Variants in MAP9 observed in about 807,000 individuals in gnomAD.
MAP9 encodes the protein microtubule-associated protein 9.
MAP9 carries 80 observed loss-of-function variants against 75.2 expected under a neutral mutation model. The ratio of observed to expected loss-of-function variants is 1.06; its 90% CI spans 0.89 to 1.28. The LOEUF (loss-of-function observed/expected upper bound fraction) is 1.28. MAP9 is among the 50% of genes most tolerant of loss of function. The pLI is 0.00. For missense variants in MAP9, 753 were observed against 719.9 expected, an observed-to-expected ratio of 1.05 and a Z score of -0.53; for synonymous variants, 235 against 237.3, an observed-to-expected ratio of 0.99 and a Z score of 0.09.
In MAP9 at chr4:155,352,958, T is replaced by G. The variant is rs756409606; in HGVS notation, c.1642A>C (p.Thr548Pro). 1.9e-6 allele frequency: 3 copies of G among 1,541,386 alleles called. No individual in the cohort carries two copies. Among genetic ancestry groups the G allele is most frequent in the Middle Eastern group, 1.7e-4 (1 of 5,932 alleles). Residue 548 changes from threonine to proline, a missense_variant, in exon 12 of 14, where the codon ACT (threonine) becomes CCT (proline). Thr to Pro is a conservative substitution (Grantham distance 38). Transcript: ENST00000311277. The part of the protein sequence containing the change: ...ERAKKQKEEE[T>P]VAEKKKDNLT... Reference sequence around the variant, plus strand: ...TTATCTTTCTTTTTCTCGGCAACAGTTTCCTCCTCTTTCTGTTTCTTTGCT... The same window carrying G: ...TTATCTTTCTTTTTCTCGGCAACAGGTTCCTCCTCTTTCTGTTTCTTTGCT...
In MAP9 at chr4:155,373,081, A is replaced by T. The variant is rs111445143; in HGVS notation, c.481+55T>A. The T allele has an allele frequency of 2.4e-4, 305 of 1,267,944 alleles. No individual in the cohort carries two copies. In the African/African-American group the frequency reaches 4.3e-3, roughly 18 times the overall value. 78.5% of individuals were successfully genotyped at this position (1,267,944 alleles called of 1,614,324 possible). On this transcript the variant is annotated intron_variant, in intron 4 of 13. Transcript: ENST00000311277. ...CTACCATATAAAAATTTTGGGACTG[A>T]TTATCTTAAAATAAACTTCCAAGAA...
chr4:155,357,669 C>T (rs1578842447), intron 7 of MAP9, 150 bp from the exon 8 acceptor site: 2 of 610,068 alleles, frequency 3.3e-6, no homozygotes, highest in East Asian at 2.9e-5. Context: ...GAATAAAATG[C>T]CCTTAAGAAT....
At chr4:155,360,573 T>C in intron 6 of MAP9, 158 bp from the exon 7 acceptor site, 1 of 679,354 alleles carries the variant, frequency 1.5e-6, no homozygotes, top group South Asian at 2.4e-5. Flanking sequence ...ATAAACTCTT[T>C]TCGAAAGTGA....
In MAP9 at chr4:155,368,680, A is replaced by G. The variant is rs1732442922; in HGVS notation, c.614T>C (p.Leu205Ser). ...EDKETALSEE[L>S]ELHSAPSSLP... Reference sequence around the variant, plus strand: ...GGAAGAAGGTGCAGAATGTAACTCCAATTCTTCACTGAGGGCAGTTTCTTT... The same window carrying G: ...GGAAGAAGGTGCAGAATGTAACTCCGATTCTTCACTGAGGGCAGTTTCTTT... Residue 205 changes from leucine (L) to serine (S), a missense_variant, in exon 5 of 14, where the codon TTG becomes TCG. Transcript: ENST00000311277. The G allele has an allele frequency of 1.9e-6, 3 of 1,613,998 alleles. No individual in the cohort carries two copies. In the African/African-American group the frequency reaches 4.0e-5, roughly 22 times the overall value.
chr4:155,352,386 C>G (rs1008297078), intron 13 of MAP9: 8 of 409,282 alleles, frequency 2.0e-5, no homozygotes, highest in Non-Finnish European at 3.5e-5. Flanking sequence ...AGTTTTCAGC[C>G]TGGGTGTTTG....
At chr4:155,361,894 A>G (rs1732096460) in intron 6 of MAP9, among the ~76,000 whole-genome samples, 154 bp downstream of exon 6, 1 of 152,066 alleles carries the variant, frequency 6.6e-6, no homozygotes, top group South Asian at 2.1e-4. Context: ...TGCATCCAAA[A>G]TCACAGTTAG....
chr4:155,348,100 C>T (rs754422644), intron 13 of MAP9, among the ~76,000 whole-genome samples, 195 bp from the exon 14 acceptor site: 3 of 152,102 alleles, frequency 2.0e-5, no homozygotes, highest in Non-Finnish European at 4.4e-5. Context: ...CTTTAGGAGA[C>T]TAAGGTGGGT....
chr4:155,345,081 T>C lies in MAP9; in HGVS notation c.*2702A>G, dbSNP rs371640877. The stretch of plus-strand genomic sequence containing the variant: ...TGACATGACATACTTCCTAAGGAAA[T>C]ATGGGAAAATCATACCTTTTAAATA... On this transcript the variant is annotated 3_prime_UTR_variant, in exon 14 of 14. Coordinates refer to ENST00000311277, the MANE Select transcript of MAP9 (RefSeq NM_001039580.2). 7.0e-4 allele frequency: 106 copies of C among 152,092 alleles called. No homozygotes were observed. The highest frequency in any genetic ancestry group is 2.3e-3 in the African/African-American group (97 of 41,566). The allele number at this position is 152,092 out of a possible 1,614,324, so 9.4% of individuals were successfully genotyped here.
chr4:155,351,979 T>C (rs934646327), intron 13 of MAP9, among the ~76,000 whole-genome samples: 4 of 152,046 alleles, frequency 2.6e-5, no homozygotes, highest in South Asian at 2.1e-4. Context: ...CATATTTATA[T>C]TGATATTCTA....
rs556093801 is a variant in MAP9, at chr4:155,370,143, CCTCT to C, written c.482-1335_482-1332del. 3.2e-4 allele frequency among the ~76,000 whole-genome samples: 49 copies of C among 152,226 alleles called. No individual in the cohort carries two copies. The South Asian group carries it at 4.6e-3, about 14-fold the overall frequency. ...CAAATCCAAGGGCTCTAGATTCCTCCCTCTATTATCCCCTAAATCCAGAGTATCA... is the reference window on the plus strand; with the variant it reads ...CAAATCCAAGGGCTCTAGATTCCTCCATTATCCCCTAAATCCAGAGTATCA... On this transcript the variant is annotated intron_variant, in intron 4 of 13. Transcript: ENST00000311277.
chr4:155,375,634 C>G (rs1418512178), intron 2 of MAP9, 142 bp downstream of exon 2: 2 of 474,878 alleles, frequency 4.2e-6, no homozygotes, highest in African/African-American at 4.0e-5. Flanking sequence ...CTGGATGGAG[C>G]CCAAACATGA....
chr4:155,352,284 T>A (rs10001550), intron 13 of MAP9: 140,796 of 242,120 alleles, frequency 0.58, 42,424 homozygotes, highest in East Asian at 0.79. Flanking sequence ...GTCTTCTTTC[T>A]ATGTTAGATG....
intron 5 of MAP9, among the ~76,000 whole-genome samples, chr4:155,364,592 A>G (rs1039327605): frequency 6.7e-6 from 1 of 148,642 alleles, no homozygotes; most frequent in African/African-American, 2.4e-5. Flanking sequence ...TACAGTAGAT[A>G]TATAATATAT....
Position 155,345,630 on chromosome 4 carries a change from T to A in MAP9, c.*2153A>T, listed in dbSNP as rs905371280. The A allele has an allele frequency of 6.6e-6, 1 of 152,068 alleles. No homozygotes were observed. The highest frequency in any genetic ancestry group is 1.5e-5 in the Non-Finnish European group (1 of 67,974). 9.4% of individuals were successfully genotyped at this position (152,068 alleles called of 1,614,324 possible). A position where few individuals can be genotyped will look rare whatever the true frequency, so the allele number is the denominator to read the frequency against. On this transcript the variant is annotated 3_prime_UTR_variant, in exon 14 of 14. Coordinates refer to ENST00000311277, the MANE Select transcript of MAP9 (RefSeq NM_001039580.2). The stretch of plus-strand genomic sequence containing the variant: ...GGTAATAAATCAATAATGACAACAA[T>A]GAACATTTAAGTCCTTATTATGTGT...
At chr4:155,368,540 G>T in intron 5 of MAP9, 46 bp downstream of exon 5, 2 of 1,428,586 alleles carry the variant, frequency 1.4e-6, no homozygotes, top group Non-Finnish European at 2.0e-6. Context: ...AGATAAAAAA[G>T]CATAAATTCA....
chr4:155,367,023 A>G (rs1732361115), intron 5 of MAP9, among the ~76,000 whole-genome samples: 1 of 152,192 alleles, frequency 6.6e-6, no homozygotes, highest in African/African-American at 2.4e-5. Context: ...CAATTTTAAC[A>G]AATCACATCC....
intron 6 of MAP9, 138 bp downstream of exon 6, chr4:155,361,910 T>C (rs1732097796): frequency 1.8e-6 from 1 of 564,066 alleles, no homozygotes; most frequent in East Asian, 3.4e-5. Flanking sequence ...GTTAGTTAAC[T>C]ACATAGTCAG....
intron 4 of MAP9, among the ~76,000 whole-genome samples, chr4:155,369,310 T>C (rs1284600273): frequency 4.4e-5 from 4 of 90,970 alleles, no homozygotes; most frequent in Middle Eastern, 8.1e-3. Context: ...GCCTGGGTAA[T>C]AAGAGCAAAA....
chr4:155,359,411 A>G (rs1731963474), intron 7 of MAP9, among the ~76,000 whole-genome samples: 1 of 152,028 alleles, frequency 6.6e-6, no homozygotes, highest in South Asian at 2.1e-4. Flanking sequence ...TATATAGGGT[A>G]TGGAATAATA....
Sources: allele counts gnomAD v4.1 joint callset (sites outside exome capture counted in the v4.1 genomes callset), GRCh38; gene constraint gnomAD v4.1.1; transcripts MANE v1.5; gene names NCBI Gene and HGNC (gene_info 2026-07-23, HGNC 2026-07-21).